The following MPPED1 variants were observed in gnomAD, a reference collection of about 807,000 sequenced individuals.
MPPED1 encodes metallophosphoesterase domain-containing protein 1.
A neutral mutation model predicts 36.2 loss-of-function variants in MPPED1; 16 were observed. The observed-to-expected ratio is 0.44, with a 90% confidence interval of 0.30 to 0.67. The LOEUF (loss-of-function observed/expected upper bound fraction) is 0.67, where lower values mean the gene tolerates loss of function less well. MPPED1 is among the 30% of genes least tolerant of loss of function. The pLI, the probability that MPPED1 is intolerant of heterozygous loss-of-function variation, is 0.10. For synonymous variants in MPPED1, 199 were observed against 191.3 expected, an observed-to-expected ratio of 1.04 and a Z score of -0.33; for missense variants, 307 against 453.4, an observed-to-expected ratio of 0.68 and a Z score of 2.93.
chr22:43,448,346 A>G (rs1343464480), intron 3 of MPPED1, among the ~76,000 whole-genome samples: 1 of 152,140 alleles, frequency 6.6e-6, no homozygotes, highest in African/African-American at 2.4e-5. Context: ...TGAGAAACTG[A>G]CTTTTGTATT....
chr22:43,461,635 G>A (rs2146867759), intron 3 of MPPED1, among the ~76,000 whole-genome samples: 1 of 152,238 alleles, frequency 6.6e-6, no homozygotes, highest in Admixed American at 6.5e-5. Flanking sequence ...TAAAGTCATT[G>A]AGAGCTGCTC....
At chr22:43,437,286 C>T (rs1422372105) in intron 3 of MPPED1, among the ~76,000 whole-genome samples, 1 of 152,276 alleles carries the variant, frequency 6.6e-6, no homozygotes, top group South Asian at 2.1e-4. Flanking sequence ...TTCTATGAAG[C>T]TCAGGTTTAC....
chr22:43,429,730 G>A (rs1425143910), intron 2 of MPPED1, among the ~76,000 whole-genome samples: 3 of 152,236 alleles, frequency 2.0e-5, no homozygotes, highest in African/African-American at 7.2e-5. Flanking sequence ...ATAGGAAGCA[G>A]GAAAGAGAAG....
intron 3 of MPPED1, among the ~76,000 whole-genome samples, chr22:43,435,416 C>T (rs1245750683): frequency 6.6e-6 from 1 of 152,072 alleles, no homozygotes; most frequent in Non-Finnish European, 1.5e-5. Context: ...CCTCCTCCAG[C>T]ATCTGTCTTG....
chr22:43,485,001 T>G (rs1383528842), intron 4 of MPPED1, among the ~76,000 whole-genome samples: 4 of 152,228 alleles, frequency 2.6e-5, no homozygotes, highest in Non-Finnish European at 4.4e-5. Context: ...GCTGTGCTGC[T>G]TCTACAAACG....
At chr22:43,424,656 C>A (rs867460493) in intron 1 of MPPED1, among the ~76,000 whole-genome samples, 1 of 151,712 alleles carries the variant, frequency 6.6e-6, no homozygotes, top group Middle Eastern at 3.4e-3. Context: ...TGCATGCATC[C>A]GTCCACAGTG....
At chr22:43,418,544 G>C in intron 1 of MPPED1, 1 of 179,384 alleles carries the variant, frequency 5.6e-6, no homozygotes, top group Non-Finnish European at 1.2e-5. Flanking sequence ...CTCGCTGTTT[G>C]GTGGGGGCCT....
intron 5 of MPPED1, among the ~76,000 whole-genome samples, chr22:43,500,253 A>ATGGTGG (rs1406951010): frequency 4.6e-5 from 2 of 43,936 alleles, no homozygotes; most frequent in Admixed American, 2.8e-4. Context: ...GGCAGTGATG[A>ATGGTGG]TGGTGGTGAT....
intron 3 of MPPED1, among the ~76,000 whole-genome samples, chr22:43,463,807 TTTTCTTTCTTTCTTTC>T (rs695374): frequency 0.067 from 7,560 of 112,826 alleles, 335 homozygotes; most frequent in Non-Finnish European, 0.078. Flanking sequence ...TCATTTTTTC[TTTTCTTTCTTTCTTTC>T]TTTCTTTCTT....
intron 3 of MPPED1, among the ~76,000 whole-genome samples, chr22:43,463,313 T>C (rs1931017851): frequency 6.6e-6 from 1 of 150,840 alleles, no homozygotes; most frequent in African/African-American, 2.4e-5. Context: ...TACTCAGATG[T>C]TGGGCTTATG....
intron 2 of MPPED1, among the ~76,000 whole-genome samples, chr22:43,433,559 TGCTGGGATTCTCCCTAGGCCTAGCAA>T (rs1324264792): frequency 2.7e-5 from 4 of 147,194 alleles, no homozygotes; most frequent in Admixed American, 1.4e-4. Flanking sequence ...AGCTCTGACT[TGCTGGGATTCTCCCTAGGCCTAGCAA>T]CCCCCAGGAA....
At chr22:43,471,502 A>G (rs1931375865) in intron 3 of MPPED1, among the ~76,000 whole-genome samples, 1 of 152,208 alleles carries the variant, frequency 6.6e-6, no homozygotes, top group Admixed American at 6.5e-5. Flanking sequence ...TTTGAGCCTC[A>G]TTCTGCTCAG....
intron 1 of MPPED1, among the ~76,000 whole-genome samples, chr22:43,419,482 C>A (rs974189475): frequency 6.6e-6 from 1 of 152,150 alleles, no homozygotes; most frequent in Non-Finnish European, 1.5e-5. Context: ...AGGCAGGACC[C>A]CCTCTGTGCC....
chr22:43,445,333 G>GGATT (rs1329081091), intron 3 of MPPED1, among the ~76,000 whole-genome samples: 1 of 151,892 alleles, frequency 6.6e-6, no homozygotes, highest in Non-Finnish European at 1.5e-5. Context: ...GCCTTCTTTT[G>GGATT]GATTGATTGA....
At position 43,470,038 on chromosome 22, in the gene MPPED1, A is replaced by G. The variant is rs893293743; in HGVS notation, c.407-4698A>G. Among the ~76,000 whole-genome samples the G allele has an allele frequency of 1.8e-4, 28 of 152,150 alleles. No homozygotes were observed. The East Asian group carries it at 5.4e-3, about 29-fold the overall frequency. On this transcript the variant is annotated intron_variant, in intron 3 of 6. Coordinates refer to ENST00000443721, the MANE Select transcript of MPPED1 (RefSeq NM_001044370.2). ...CATCCATCCATTAATCCATCTATATATGCATCTATATATCCATACATATAT... is the reference window on the plus strand; with the variant it reads ...CATCCATCCATTAATCCATCTATATGTGCATCTATATATCCATACATATAT...
intron 3 of MPPED1, among the ~76,000 whole-genome samples, chr22:43,450,546 A>G (rs1040928845): frequency 3.9e-5 from 6 of 152,048 alleles, no homozygotes; most frequent in African/African-American, 1.2e-4. Flanking sequence ...TTTCTCATCT[A>G]TCAAAGGGAG....
chr22:43,448,026 C>T (rs1930424762), intron 3 of MPPED1, among the ~76,000 whole-genome samples: 1 of 150,976 alleles, frequency 6.6e-6, no homozygotes, highest in African/African-American at 2.4e-5. Context: ...TTACAGGCAC[C>T]CACCACCACG....
intron 5 of MPPED1, among the ~76,000 whole-genome samples, chr22:43,500,641 C>T (rs538383832): frequency 1.4e-4 from 21 of 152,096 alleles, no homozygotes; most frequent in African/African-American, 4.3e-4. Context: ...TTGCTCCCAC[C>T]GCCACCTCCA....
intron 1 of MPPED1, among the ~76,000 whole-genome samples, chr22:43,422,932 G>A (rs1929326238): frequency 6.6e-6 from 1 of 152,118 alleles, no homozygotes; most frequent in African/African-American, 2.4e-5. Context: ...TGCCTTCTGG[G>A]TTCAAGCAAT....
Sources: allele counts gnomAD v4.1 joint callset (sites outside exome capture counted in the v4.1 genomes callset), GRCh38; gene constraint gnomAD v4.1.1; transcripts MANE v1.5; gene names NCBI Gene and HGNC (gene_info 2026-07-23, HGNC 2026-07-21).